RASGRF1: variants seen among roughly 807,000 people sequenced by gnomAD.
The protein encoded by RASGRF1 is ras-specific guanine nucleotide-releasing factor 1.
In RASGRF1, 40 loss-of-function variants were observed where a neutral mutation model predicts 138.7. The observed-to-expected ratio is 0.29, with a 90% CI of 0.22 to 0.38. The LOEUF (loss-of-function observed/expected upper bound fraction) is 0.38. Ranked by LOEUF, RASGRF1 falls within the 10% of genes least tolerant of loss-of-function variation. RASGRF1 has a pLI of 1.00. For synonymous variants in RASGRF1, 614 were observed against 663.2 expected (o/e 0.93, Z 1.14); for missense variants, 1,108 against 1,650.4 (o/e 0.67, Z 5.69).
Position 79,006,457 on chromosome 15 carries a change from G to C in RASGRF1, c.1827-23C>G. 6.2e-7 allele frequency: 1 copy of C among 1,601,552 alleles called. No individual in the cohort carries two copies. The highest frequency in any genetic ancestry group is 8.5e-7 in the Non-Finnish European group (1 of 1,176,086). On this transcript the variant is annotated intron_variant, in intron 13 of 26. Transcript: ENST00000558480. This position sits in a 1 kb window ranked among gnomAD's most constrained non-coding sequence, Gnocchi z 4.0. Reference sequence around the variant, plus strand: ...GACCTGAGAGGGGAGGAAGGATGCAGAGGTGATGTGGGTCTAAAGGCATCT... The same window carrying C: ...GACCTGAGAGGGGAGGAAGGATGCACAGGTGATGTGGGTCTAAAGGCATCT...
chr15:79,064,925 G>A (rs903183290), intron 1 of RASGRF1, among the ~76,000 whole-genome samples: 10 of 152,218 alleles, frequency 6.6e-5, no homozygotes, highest in Admixed American at 2.6e-4. Flanking sequence ...AATGGAATAA[G>A]TGCCCTTCTA....
rs771826831 is a variant in RASGRF1, at chr15:78,991,727, A to C, written c.3095T>G (p.Leu1032Arg). The change falls in exon 21 of 27, where the codon CTG becomes CGG. Residue 1032 changes from leucine to arginine, a missense_variant. Leu to Arg is a moderately radical substitution (Grantham distance 102). This residue lies in a region of RASGRF1 where 686 missense variants were observed against 976.7 expected (regional missense o/e 0.70). Coordinates refer to ENST00000558480, the MANE Select transcript of RASGRF1 (RefSeq NM_001145648.3). ...SALEIAEQLT[L>R]LDHLVFKKIP... ...CTTCTTGAAGACGAGGTGATCTAGC[A>C]GGGTCAGCTGCTCCGCGATCTCCAG... 1 of 1,614,056 alleles carries C rather than the reference A, an allele frequency of 6.2e-7. No homozygotes were observed. Among genetic ancestry groups the C allele is most frequent in the African/African-American group, 1.3e-5 (1 of 74,936 alleles).
chr15:78,989,945 G>A (rs186976688), intron 22 of RASGRF1, among the ~76,000 whole-genome samples: 123 of 152,336 alleles, frequency 8.1e-4, no homozygotes, highest in Middle Eastern at 6.8e-3. Context: ...TGGGCTGAAT[G>A]TCTTTAGATG....
rs963722633 is a variant in RASGRF1, at chr15:79,080,673, G to GA, written c.276+9549dup. The stretch of plus-strand genomic sequence containing the variant: ...AGATCTGAGTTGGATTTTCCAGTTT[G>GA]AAAAAAAAAAGAAAGCTCAACTAGG... On this transcript the variant is annotated intron_variant, in intron 1 of 26. Coordinates refer to ENST00000558480, the MANE Select transcript of RASGRF1 (RefSeq NM_001145648.3). 2.7e-4 allele frequency among the ~76,000 whole-genome samples: 39 copies of GA among 146,610 alleles called. No individual in the cohort carries two copies. The East Asian group carries it at 3.7e-3, about 14-fold the overall frequency.
intron 1 of RASGRF1, among the ~76,000 whole-genome samples, chr15:79,065,337 T>C (rs77883952): frequency 0.1 from 14,255 of 139,338 alleles, 891 homozygotes; most frequent in Non-Finnish European, 0.14. Context: ...TGGAAGAGCA[T>C]GGGGGCAGCT....
chr15:79,066,659 C>A (rs1214454899), intron 1 of RASGRF1, among the ~76,000 whole-genome samples: 1 of 152,222 alleles, frequency 6.6e-6, no homozygotes, highest in Non-Finnish European at 1.5e-5. Flanking sequence ...CCAATCAGCC[C>A]TACTGGGTAG....
chr15:79,054,274 G>A (rs2057478833), intron 3 of RASGRF1, among the ~76,000 whole-genome samples: 1 of 152,226 alleles, frequency 6.6e-6, no homozygotes, highest in Non-Finnish European at 1.5e-5. Context: ...GGGGAGGTTG[G>A]TGAAGGATGG....
At chr15:79,044,182 G>C (rs2057330365) in intron 5 of RASGRF1, among the ~76,000 whole-genome samples, 1 of 152,210 alleles carries the variant, frequency 6.6e-6, no homozygotes, top group African/African-American at 2.4e-5. Context: ...CGACAGACCT[G>C]ACCATGACAT....
chr15:78,990,338 C>T (rs1266944101), intron 21 of RASGRF1, 65 bp from the exon 22 acceptor site: 2 of 1,110,984 alleles, frequency 1.8e-6, no homozygotes, highest in African/African-American at 1.6e-5. Context: ...TTCATTGCTC[C>T]ATGCTTTTTA....
At chr15:79,060,636 G>T (rs2057591301) in intron 2 of RASGRF1, among the ~76,000 whole-genome samples, 1 of 152,218 alleles carries the variant, frequency 6.6e-6, no homozygotes, top group African/African-American at 2.4e-5. Flanking sequence ...GTTATCATAA[G>T]CACATGATGA....
intron 24 of RASGRF1, among the ~76,000 whole-genome samples, chr15:78,974,279 G>A (rs1011946934): frequency 4.6e-5 from 7 of 152,150 alleles, no homozygotes; most frequent in Admixed American, 3.3e-4. Context: ...GTGCTCTGCC[G>A]CCTCCTCTCA....
intron 1 of RASGRF1, among the ~76,000 whole-genome samples, chr15:79,070,236 A>T (rs889348664): frequency 9.2e-5 from 14 of 152,194 alleles, no homozygotes; most frequent in African/African-American, 2.4e-5. Context: ...TGGAAGTCTC[A>T]GGGTTGCAAT....
rs1363664414 is a variant in RASGRF1, at chr15:78,961,440, T to G, written c.*704A>C. 6.6e-6 allele frequency: 1 copy of G among 152,122 alleles called. No individual in the cohort carries two copies. Among genetic ancestry groups the G allele is most frequent in the African/African-American group, 2.4e-5 (1 of 41,426 alleles). The allele number at this position is 152,122 out of a possible 1,614,324, so 9.4% of individuals were successfully genotyped here. On this transcript the variant is annotated 3_prime_UTR_variant, in exon 27 of 27. Transcript: ENST00000558480. Reference sequence around the variant, plus strand: ...TTTGTGACTCCATTTCCTCGGGAAGTCTAGGGCCTCATCCAGTTGTATTGA... The same window carrying G: ...TTTGTGACTCCATTTCCTCGGGAAGGCTAGGGCCTCATCCAGTTGTATTGA...
chr15:79,089,004 C>T (rs1022787061), intron 1 of RASGRF1, among the ~76,000 whole-genome samples: 9 of 152,196 alleles, frequency 5.9e-5, no homozygotes, highest in East Asian at 1.9e-4. Flanking sequence ...AGACTGAGCT[C>T]GGATCTCTGT....
chr15:79,051,165 T>A (rs907821129), intron 3 of RASGRF1, among the ~76,000 whole-genome samples: 3 of 152,216 alleles, frequency 2.0e-5, no homozygotes, highest in Admixed American at 2.0e-4. Context: ...AACACATGGC[T>A]TTTGTCCCCT....
At chr15:78,963,887 T>G (rs974730074) in intron 26 of RASGRF1, among the ~76,000 whole-genome samples, 1 of 152,182 alleles carries the variant, frequency 6.6e-6, no homozygotes, top group South Asian at 2.1e-4. Context: ...TATACCTAGA[T>G]AGTAGTGTCA....
intron 5 of RASGRF1, among the ~76,000 whole-genome samples, chr15:79,037,030 C>T (rs2057232070): frequency 6.6e-6 from 1 of 152,176 alleles, no homozygotes; most frequent in Non-Finnish European, 1.5e-5. Context: ...CCAAGAGAGA[C>T]AGTCCCTCCA....
At chr15:78,995,625 T>A in intron 20 of RASGRF1, 115 bp downstream of exon 20, 1 of 1,315,536 alleles carries the variant, frequency 7.6e-7, no homozygotes, top group Non-Finnish European at 1.1e-6. Flanking sequence ...TTTGTGGTAT[T>A]TTTTCACAAC....
At chr15:78,995,601 T>G in intron 20 of RASGRF1, 139 bp downstream of exon 20, 1 of 1,095,236 alleles carries the variant, frequency 9.1e-7, no homozygotes, top group Non-Finnish European at 1.4e-6. Context: ...TTCCTGTTGT[T>G]TTAAGCCGCC....
Sources: allele counts gnomAD v4.1 joint callset (sites outside exome capture counted in the v4.1 genomes callset), GRCh38; gene constraint gnomAD v4.1.1; regional missense constraint gnomAD v4.1.1; non-coding constraint Gnocchi (gnomAD v3.1); transcripts MANE v1.5; gene names NCBI Gene and HGNC (gene_info 2026-07-23, HGNC 2026-07-21).